PPP1R12A: variants seen among roughly 807,000 people sequenced by gnomAD.
PPP1R12A encodes protein phosphatase 1 regulatory subunit 12A.
In PPP1R12A, 19 loss-of-function variants were observed where a neutral mutation model predicts 139.6. The observed-to-expected ratio is 0.14, with a 90% CI of 0.09 to 0.20. The LOEUF (loss-of-function observed/expected upper bound fraction) is 0.20, where lower values mean the gene tolerates loss of function less well. PPP1R12A is among the 10% of genes least tolerant of loss of function. The pLI is 1.00. For synonymous variants in PPP1R12A, 427 were observed against 420.6 expected, an observed-to-expected ratio of 1.02 and a Z score of -0.19; for missense variants, 925 against 1,211.5, an observed-to-expected ratio of 0.76 and a Z score of 3.51.
chr12:79,907,856 C>A (rs941755258), intron 1 of PPP1R12A, among the ~76,000 whole-genome samples: 8 of 152,202 alleles, frequency 5.3e-5, no homozygotes, highest in Admixed American at 2.0e-4. Context: ...TATGATCCTG[C>A]TGCTGTACTC....
intron 19 of PPP1R12A, among the ~76,000 whole-genome samples, chr12:79,792,675 T>C (rs990177372): frequency 6.6e-6 from 1 of 152,132 alleles, no homozygotes; most frequent in African/African-American, 2.4e-5. Context: ...ATTACAACTT[T>C]AAAAGCCAGA....
chr12:79,903,318 G>C (rs1885810238), intron 1 of PPP1R12A, among the ~76,000 whole-genome samples: 1 of 151,974 alleles, frequency 6.6e-6, no homozygotes, highest in Non-Finnish European at 1.5e-5. Flanking sequence ...AGGTGTGGTG[G>C]CATGTGCCTG....
At chr12:79,930,510 C>T (rs1011642038) in intron 1 of PPP1R12A, among the ~76,000 whole-genome samples, 1 of 152,090 alleles carries the variant, frequency 6.6e-6, no homozygotes, top group South Asian at 2.1e-4. Context: ...CGGTGGCTCA[C>T]GCCTGTAATC....
intron 1 of PPP1R12A, among the ~76,000 whole-genome samples, chr12:79,933,000 G>A (rs1029160323): frequency 6.6e-6 from 1 of 152,118 alleles, no homozygotes; most frequent in Non-Finnish European, 1.5e-5. Flanking sequence ...AAGTACACTT[G>A]AAAGAAATTT....
rs757142262 is a variant in PPP1R12A at position 79,795,644 on chromosome 12, T to A, written c.2577A>T (p.Thr859=). ...KRRSTGVSFW[T]QDSDENEQEQ... is the part of the protein sequence containing the mutation. ...TATTTTAATAGGTTCTCACATCTTGTGTCCAAAATGAAACTCCTGTAGATC... is the reference window on the plus strand; with the variant it reads ...TATTTTAATAGGTTCTCACATCTTGAGTCCAAAATGAAACTCCTGTAGATC... The change falls in exon 18 of 25, where the codon ACA becomes ACT. Residue 859 remains threonine (T), a synonymous_variant. Transcript: ENST00000450142. The A allele has an allele frequency of 6.2e-7, 1 of 1,610,694 alleles. No individual in the cohort carries two copies.
At chr12:79,863,105 T>G (rs1881533282) in intron 2 of PPP1R12A, among the ~76,000 whole-genome samples, 4 of 152,156 alleles carry the variant, frequency 2.6e-5, no homozygotes, top group African/African-American at 9.7e-5. Flanking sequence ...ACCATCAGAC[T>G]AACAGCAGAT....
chr12:79,901,592 A>G (rs1885648512), intron 1 of PPP1R12A, among the ~76,000 whole-genome samples: 1 of 152,164 alleles, frequency 6.6e-6, no homozygotes, highest in Non-Finnish European at 1.5e-5. Context: ...AACAGCTATT[A>G]ACTGAATATG....
chr12:79,859,091 A>G (rs1312667211), intron 2 of PPP1R12A, among the ~76,000 whole-genome samples: 1 of 152,084 alleles, frequency 6.6e-6, no homozygotes, highest in African/African-American at 2.4e-5. Context: ...GAAAAACAAC[A>G]GTGGGAGGCC....
intron 20 of PPP1R12A, 49 bp downstream of exon 20, chr12:79,790,418 A>G: frequency 8.4e-7 from 1 of 1,185,618 alleles, no homozygotes; most frequent in Non-Finnish European, 1.2e-6. Context: ...ATTTTTAACA[A>G]AGATAAAAAT....
chr12:79,903,243 G>C (rs1277127145), intron 1 of PPP1R12A, among the ~76,000 whole-genome samples: 3 of 152,090 alleles, frequency 2.0e-5, no homozygotes, highest in East Asian at 3.9e-4. Flanking sequence ...ACAAAGTCAA[G>C]AGTTCAAGAC....
chr12:79,806,404 T>C, intron 12 of PPP1R12A, 71 bp from the exon 13 acceptor site: 2 of 1,357,984 alleles, frequency 1.5e-6, no homozygotes, highest in Non-Finnish European at 2.0e-6. Context: ...CTATACATTA[T>C]ATAAATTACA....
chr12:79,914,172 TAAAC>T (rs1441529408), intron 1 of PPP1R12A, among the ~76,000 whole-genome samples: 1 of 152,064 alleles, frequency 6.6e-6, no homozygotes, highest in Non-Finnish European at 1.5e-5. Flanking sequence ...ACAGCCAACA[TAAAC>T]AAAAACCTCT....
At chr12:79,855,029 C>T (rs80123677) in intron 2 of PPP1R12A, among the ~76,000 whole-genome samples, 8,307 of 152,092 alleles carry the variant, frequency 0.055, 528 homozygotes, top group East Asian at 0.29. Flanking sequence ...TGCTCTGTCG[C>T]CCAGGCTGGA....
At chr12:79,849,691 T>C (rs1879823905) in intron 2 of PPP1R12A, among the ~76,000 whole-genome samples, 1 of 152,348 alleles carries the variant, frequency 6.6e-6, no homozygotes, top group Middle Eastern at 3.4e-3. Flanking sequence ...ACTTTTCAAA[T>C]GAACAACCGT....
chr12:79,886,282 A>T (rs984634742), intron 1 of PPP1R12A, among the ~76,000 whole-genome samples: 1 of 152,136 alleles, frequency 6.6e-6, no homozygotes. Flanking sequence ...AAAAAGAAAA[A>T]CCTAGCTCTT....
At chr12:79,795,055 C>A (rs780721103) in intron 18 of PPP1R12A, among the ~76,000 whole-genome samples, 5 of 152,026 alleles carry the variant, frequency 3.3e-5, no homozygotes, top group Admixed American at 2.0e-4. Context: ...TCCTATTGTG[C>A]TAATCCATTA....
chr12:79,908,607 GTTAAA>G (rs1424498813), intron 1 of PPP1R12A, among the ~76,000 whole-genome samples: 2 of 152,200 alleles, frequency 1.3e-5, no homozygotes, highest in Non-Finnish European at 2.9e-5. Flanking sequence ...ATCTAATATA[GTTAAA>G]TTGAAAATGA....
chr12:79,922,347 A>G (rs1287662935), intron 1 of PPP1R12A, among the ~76,000 whole-genome samples: 1 of 152,220 alleles, frequency 6.6e-6, no homozygotes, highest in African/African-American at 2.4e-5. Flanking sequence ...TCAATTTAAC[A>G]GATGTGTCAA....
At chr12:79,930,695 C>T (rs1187717834) in intron 1 of PPP1R12A, among the ~76,000 whole-genome samples, 1 of 152,132 alleles carries the variant, frequency 6.6e-6, no homozygotes, top group Non-Finnish European at 1.5e-5. Flanking sequence ...TCGCTCGAAT[C>T]CGGGAGGTGG....
Sources: allele counts gnomAD v4.1 joint callset (sites outside exome capture counted in the v4.1 genomes callset), GRCh38; gene constraint gnomAD v4.1.1; transcripts MANE v1.5; gene names NCBI Gene and HGNC (gene_info 2026-07-23, HGNC 2026-07-21).